KCNH1: variants seen among roughly 807,000 people sequenced by gnomAD.
KCNH1 encodes the protein voltage-gated delayed rectifier potassium channel KCNH1.
In KCNH1, 27 loss-of-function variants were observed where a neutral mutation model predicts 69.2. The observed-to-expected ratio is 0.39, with a 90% CI of 0.29 to 0.54. The LOEUF is 0.54. KCNH1 is among the 20% of genes least tolerant of loss of function. The pLI, the probability that KCNH1 is intolerant of heterozygous loss-of-function variation, is 0.68. For missense variants in KCNH1, 798 were observed against 1,261.6 expected, an observed-to-expected ratio of 0.63 and a Z score of 5.57; for synonymous variants, 456 against 487.7, an observed-to-expected ratio of 0.93 and a Z score of 0.86.
At chr1:210,995,844 TAA>T (rs925926576) in intron 6 of KCNH1, among the ~76,000 whole-genome samples, 3 of 152,176 alleles carry the variant, frequency 2.0e-5, no homozygotes, top group African/African-American at 7.2e-5. Flanking sequence ...GGATCTGTAG[TAA>T]AAGACAGAAT....
intron 1 of KCNH1, among the ~76,000 whole-genome samples, chr1:211,111,455 G>A (rs1691460283): frequency 6.6e-6 from 1 of 150,796 alleles, no homozygotes; most frequent in Non-Finnish European, 1.5e-5. Context: ...GAAGTGAGGA[G>A]CCCCTCTGCC....
At chr1:210,734,076 C>G (rs1682810643) in intron 10 of KCNH1, among the ~76,000 whole-genome samples, 1 of 152,012 alleles carries the variant, frequency 6.6e-6, no homozygotes, top group African/African-American at 2.4e-5. Flanking sequence ...TTCTAGCAGG[C>G]AAGGTTCTGA....
At chr1:211,037,032 A>G (rs898233431) in intron 5 of KCNH1, among the ~76,000 whole-genome samples, 1 of 152,244 alleles carries the variant, frequency 6.6e-6, no homozygotes, top group Admixed American at 6.5e-5. Context: ...TGGAAGGAAA[A>G]AAGGGTTTTT....
intron 2 of KCNH1, among the ~76,000 whole-genome samples, chr1:211,105,591 T>C (rs960986718): frequency 2.0e-5 from 3 of 150,956 alleles, no homozygotes; most frequent in Non-Finnish European, 4.4e-5. Context: ...GGTAATTCAA[T>C]AAGTTGCTAA....
At chr1:210,954,101 T>C (rs908070583) in intron 6 of KCNH1, among the ~76,000 whole-genome samples, 2 of 151,936 alleles carry the variant, frequency 1.3e-5, no homozygotes, top group African/African-American at 4.8e-5. Context: ...TTCCCCGCCT[T>C]GTGTCCAAGT....
At chr1:211,125,478 A>T (rs1216148676) in intron 1 of KCNH1, among the ~76,000 whole-genome samples, 2 of 152,362 alleles carry the variant, frequency 1.3e-5, no homozygotes, top group Non-Finnish European at 2.9e-5. Flanking sequence ...ATGGAAATAA[A>T]TATAGTCTTA....
At chr1:210,875,543 C>T (rs1321937202) in intron 7 of KCNH1, among the ~76,000 whole-genome samples, 1 of 152,220 alleles carries the variant, frequency 6.6e-6, no homozygotes, top group East Asian at 1.9e-4. Context: ...TGGCTCATGC[C>T]TGTAATCCCA....
chr1:210,934,499 C>A (rs959366745), intron 6 of KCNH1, among the ~76,000 whole-genome samples: 1 of 152,076 alleles, frequency 6.6e-6, no homozygotes, highest in Non-Finnish European at 1.5e-5. Flanking sequence ...ATTAGCTGGG[C>A]ATGGTGGCTT....
chr1:211,130,945 ATGGATGT>A (rs1691864095), intron 1 of KCNH1, among the ~76,000 whole-genome samples: 1 of 152,142 alleles, frequency 6.6e-6, no homozygotes, highest in Non-Finnish European at 1.5e-5. Context: ...GTTAGCCAAG[ATGGATGT>A]TGTTCTTGTT....
chr1:210,922,400 A>AC (rs1558527140), intron 6 of KCNH1, among the ~76,000 whole-genome samples: 1 of 27,260 alleles, frequency 3.7e-5, no homozygotes, highest in Non-Finnish European at 7.9e-5. Context: ...AAAAAAAAAA[A>AC]AAAAAAAAAA....
At chr1:210,950,212 ATTTC>A (rs1688037179) in intron 6 of KCNH1, among the ~76,000 whole-genome samples, 1 of 149,882 alleles carries the variant, frequency 6.7e-6, no homozygotes, top group African/African-American at 2.5e-5. Context: ...CTCAGTTTAG[ATTTC>A]TTTTTTTTTT....
intron 4 of KCNH1, among the ~76,000 whole-genome samples, chr1:211,083,989 G>C (rs1270450539): frequency 6.6e-6 from 1 of 151,800 alleles, no homozygotes; most frequent in Non-Finnish European, 1.5e-5. Context: ...TAGCAAATCA[G>C]CTCTTTTTTA....
intron 5 of KCNH1, among the ~76,000 whole-genome samples, chr1:211,023,480 A>G (rs2358214): frequency 0.39 from 59,003 of 151,244 alleles, 11,976 homozygotes; most frequent in Non-Finnish European, 0.44. Flanking sequence ...CCATAAAAAA[A>G]GAATGAAATC....
chr1:210,997,332 T>C (rs1164274207), intron 6 of KCNH1, among the ~76,000 whole-genome samples: 2 of 152,144 alleles, frequency 1.3e-5, no homozygotes, highest in Non-Finnish European at 2.9e-5. Flanking sequence ...CTGATGCAGC[T>C]GAAAGCCAAG....
chr1:211,038,676 T>C (rs1489081523), intron 5 of KCNH1, among the ~76,000 whole-genome samples: 1 of 152,164 alleles, frequency 6.6e-6, no homozygotes, highest in Non-Finnish European at 1.5e-5. Flanking sequence ...AAGGTGACTC[T>C]TGTTATGTTT....
At chr1:210,707,823 A>G (rs1197710532) in intron 10 of KCNH1, among the ~76,000 whole-genome samples, 2 of 152,184 alleles carry the variant, frequency 1.3e-5, no homozygotes, top group Admixed American at 6.5e-5. Context: ...GACAGAACAC[A>G]TAAAAGGAGG....
At chr1:210,987,319 C>A (rs1390148905) in intron 6 of KCNH1, among the ~76,000 whole-genome samples, 1 of 152,172 alleles carries the variant, frequency 6.6e-6, no homozygotes, top group Non-Finnish European at 1.5e-5. Flanking sequence ...TGTTCCATTG[C>A]TGGTGAGGAG....
chr1:210,852,863 G>A (rs573530993), intron 7 of KCNH1, among the ~76,000 whole-genome samples: 17 of 152,298 alleles, frequency 1.1e-4, no homozygotes, highest in African/African-American at 3.6e-4. Context: ...CAAAGGCAAC[G>A]TGGAAATTCT....
intron 9 of KCNH1, among the ~76,000 whole-genome samples, chr1:210,779,396 A>G (rs1409329144): frequency 6.6e-6 from 1 of 152,196 alleles, no homozygotes; most frequent in African/African-American, 2.4e-5. Flanking sequence ...GACACACATA[A>G]CTTGGGAGAA....
Sources: gnomAD v4.1 joint callset for allele counts (sites outside exome capture counted in the v4.1 genomes callset) on GRCh38, gnomAD v4.1.1 for gene constraint, MANE v1.5 for transcripts, NCBI Gene and HGNC (gene_info 2026-07-23, HGNC 2026-07-21) for gene names.